The following CACHD1 variants were observed in gnomAD, a reference collection of about 807,000 sequenced individuals.
The protein encoded by CACHD1 is VWFA and cache domain-containing protein 1.
A neutral mutation model predicts 138.7 loss-of-function variants in CACHD1; 71 were observed. That is an observed-to-expected ratio of 0.51 (90% CI 0.42 to 0.62). The LOEUF (loss-of-function observed/expected upper bound fraction) is 0.62, where lower values mean the gene tolerates loss of function less well. Ranked by LOEUF, CACHD1 falls within the 20% of genes least tolerant of loss-of-function variation. The pLI, the probability that CACHD1 is intolerant of heterozygous loss-of-function variation, is 0.00. For synonymous variants in CACHD1, 578 were observed against 591.5 expected, an observed-to-expected ratio of 0.98 and a Z score of 0.33; for missense variants, 1,389 against 1,625.3, an observed-to-expected ratio of 0.85 and a Z score of 2.50.
chr1:64,679,541 C>T, intron 23 of CACHD1, 54 bp from the exon 24 acceptor site: 1 of 1,595,686 alleles, frequency 6.3e-7, no homozygotes, highest in South Asian at 1.1e-5. Context: ...TCCTTACTTT[C>T]TTCCCCACTT....
intron 1 of CACHD1, among the ~76,000 whole-genome samples, chr1:64,497,096 G>C (rs541490766): frequency 6.6e-6 from 1 of 152,000 alleles, no homozygotes; most frequent in Non-Finnish European, 1.5e-5. Flanking sequence ...TAGCCCATTG[G>C]CTACTGATTA....
intron 1 of CACHD1, among the ~76,000 whole-genome samples, chr1:64,503,504 G>T (rs892047045): frequency 2.6e-5 from 4 of 152,108 alleles, no homozygotes; most frequent in Admixed American, 1.3e-4. Flanking sequence ...TTTTTAAGAT[G>T]AATTCTTACA....
At chr1:64,585,995 C>T (rs913059249) in intron 3 of CACHD1, among the ~76,000 whole-genome samples, 2 of 152,158 alleles carry the variant, frequency 1.3e-5, no homozygotes, top group African/African-American at 4.8e-5. Context: ...TGTTCCAACC[C>T]CTCAGAAAGT....
intron 1 of CACHD1, among the ~76,000 whole-genome samples, chr1:64,545,871 A>G (rs906198868): frequency 2.0e-5 from 3 of 152,204 alleles, no homozygotes; most frequent in Non-Finnish European, 2.9e-5. Flanking sequence ...TAAGAATAAG[A>G]CATTTTGTTC....
At chr1:64,569,622 T>C (rs1036533459) in intron 2 of CACHD1, among the ~76,000 whole-genome samples, 1 of 152,118 alleles carries the variant, frequency 6.6e-6, no homozygotes, top group African/African-American at 2.4e-5. Flanking sequence ...CTGGTGTGCC[T>C]CTCTCTGTGT....
intron 25 of CACHD1, among the ~76,000 whole-genome samples, chr1:64,681,649 G>C (rs1352896239): frequency 6.9e-6 from 1 of 144,930 alleles, no homozygotes; most frequent in Non-Finnish European, 1.5e-5. Flanking sequence ...TTTTAGAAAA[G>C]GAAGTTTCAG....
chr1:64,477,659 G>A (rs1410454646), intron 1 of CACHD1, among the ~76,000 whole-genome samples: 2 of 143,818 alleles, frequency 1.4e-5, no homozygotes, highest in Non-Finnish European at 3.0e-5. Context: ...ACGGAGTCTC[G>A]CTCTGTCGCC....
At chr1:64,576,059 A>ACC (rs2100522849) in intron 2 of CACHD1, among the ~76,000 whole-genome samples, 1 of 152,286 alleles carries the variant, frequency 6.6e-6, no homozygotes, top group South Asian at 2.1e-4. Context: ...TGATCATTTG[A>ACC]CCCGTGGCTG....
chr1:64,519,019 C>T (rs1646478846), intron 1 of CACHD1, among the ~76,000 whole-genome samples: 1 of 152,122 alleles, frequency 6.6e-6, no homozygotes, highest in Non-Finnish European at 1.5e-5. Context: ...AATTTCCCTT[C>T]CTCATTATGT....
chr1:64,664,709 G>A (rs779094533), intron 15 of CACHD1, 30 bp downstream of exon 15: 1 of 1,602,638 alleles, frequency 6.2e-7, no homozygotes, highest in Admixed American at 1.7e-5. Flanking sequence ...GTTATCAAAG[G>A]TTCTCCCCCA....
chr1:64,568,283 C>T (rs559970558), intron 2 of CACHD1, among the ~76,000 whole-genome samples: 2 of 152,098 alleles, frequency 1.3e-5, no homozygotes, highest in African/African-American at 2.4e-5. Flanking sequence ...AACATTGTTA[C>T]GCTTTCTCCC....
Position 64,470,682 on chromosome 1 carries a change from G to A in CACHD1, c.-63G>A, listed in dbSNP as rs1646137746. 2 of 462,620 alleles carry A rather than the reference G, an allele frequency of 4.3e-6. No individual in the cohort carries two copies. Among genetic ancestry groups the A allele is most frequent in the Non-Finnish European group, 7.5e-6 (2 of 265,814 alleles). The allele number at this position is 462,620 out of a possible 1,614,324, so 28.7% of individuals were successfully genotyped here. A position where few individuals can be genotyped will look rare whatever the true frequency, so the allele number is the denominator to read the frequency against. ...GGGGTGCGCCGCGCTTTTGCGGGGG[G>A]CACCTCCCGCGGCCCGCTTCCCCGC... On this transcript the variant is annotated 5_prime_UTR_variant, in exon 1 of 27. Coordinates refer to ENST00000651257, the MANE Select transcript of CACHD1 (RefSeq NM_020925.4). This position sits in a 1 kb window ranked among gnomAD's most constrained non-coding sequence, Gnocchi z 5.2.
rs1393073424 is a variant in CACHD1, at chr1:64,652,325, G to A, written c.1540+15G>A. 1 of 1,588,726 alleles carries A rather than the reference G, an allele frequency of 6.3e-7. No homozygotes were observed. The highest frequency in any genetic ancestry group is 8.5e-7 in the Non-Finnish European group (1 of 1,171,734). On this transcript the variant is annotated intron_variant, in intron 10 of 26. Coordinates refer to ENST00000651257, the MANE Select transcript of CACHD1 (RefSeq NM_020925.4). ...AGACGACAAAGGTAATCTGCTAAAT[G>A]TTCATCCTAAGAATACTTTTTTAGA...
intron 1 of CACHD1, among the ~76,000 whole-genome samples, chr1:64,483,681 CAAAAAAAAAA>C (rs10537125): frequency 8.6e-5 from 5 of 58,202 alleles, no homozygotes; most frequent in Non-Finnish European, 2.0e-4. Context: ...CTGTCTCTAC[CAAAAAAAAAA>C]AAAAAAAAAA....
chr1:64,600,933 A>G (rs1449838841), intron 3 of CACHD1, among the ~76,000 whole-genome samples: 2 of 152,236 alleles, frequency 1.3e-5, no homozygotes, highest in Non-Finnish European at 2.9e-5. Flanking sequence ...GAAATAAAAT[A>G]GAAAATTTAG....
At chr1:64,487,392 C>T (rs1379308467) in intron 1 of CACHD1, among the ~76,000 whole-genome samples, 1 of 152,102 alleles carries the variant, frequency 6.6e-6, no homozygotes, top group East Asian at 1.9e-4. Flanking sequence ...TAGTGGAATA[C>T]AAGAGAATGG....
intron 2 of CACHD1, among the ~76,000 whole-genome samples, chr1:64,566,468 A>G (rs1462551871): frequency 4.3e-5 from 3 of 69,094 alleles, no homozygotes; most frequent in Non-Finnish European, 7.9e-5. Flanking sequence ...GCTCCACTGT[A>G]TGTTTTCAAT....
At chr1:64,690,617 A>G (rs1339909909) in intron 26 of CACHD1, among the ~76,000 whole-genome samples, 2 of 152,176 alleles carry the variant, frequency 1.3e-5, no homozygotes, top group African/African-American at 4.8e-5. Context: ...TGCCCTGGGT[A>G]TATGTGGAGT....
At chr1:64,526,420 A>T (rs1646539235) in intron 1 of CACHD1, among the ~76,000 whole-genome samples, 1 of 152,108 alleles carries the variant, frequency 6.6e-6, no homozygotes, top group Non-Finnish European at 1.5e-5. Flanking sequence ...TGAGAAAGAG[A>T]CAAACAAAAA....
Sources: allele counts gnomAD v4.1 joint callset (sites outside exome capture counted in the v4.1 genomes callset), GRCh38; gene constraint gnomAD v4.1.1; non-coding constraint Gnocchi (gnomAD v3.1); transcripts MANE v1.5; gene names NCBI Gene and HGNC (gene_info 2026-07-23, HGNC 2026-07-21).